The following PITPNC1 variants were observed in gnomAD, a reference collection of about 807,000 sequenced individuals.
PITPNC1 encodes phosphatidylinositol transfer protein cytoplasmic 1.
Under a neutral mutation model 44.7 loss-of-function variants are expected in PITPNC1, and 18 were observed. The ratio of observed to expected loss-of-function variants is 0.40; its 90% CI spans 0.28 to 0.60. The LOEUF is 0.60. PITPNC1 is among the 20% of genes least tolerant of loss of function. PITPNC1 has a pLI of 0.39. For missense variants in PITPNC1, 290 were observed against 418.4 expected (o/e 0.69, Z 2.68); for synonymous variants, 141 against 149.6 (o/e 0.94, Z 0.42).
intron 1 of PITPNC1, among the ~76,000 whole-genome samples, chr17:67,497,086 G>A (rs9900530): frequency 0.47 from 71,655 of 151,832 alleles, 16,985 homozygotes; most frequent in East Asian, 0.62. Flanking sequence ...TGACTGTTCC[G>A]GTGAATAGCC....
chr17:67,487,745 G>C (rs2039801026), intron 1 of PITPNC1, among the ~76,000 whole-genome samples: 1 of 152,168 alleles, frequency 6.6e-6, no homozygotes, highest in Admixed American at 6.5e-5. Context: ...TGTAAGCGCT[G>C]TTCTGGGGGC....
At chr17:67,412,160 C>CT (rs1167101260) in intron 1 of PITPNC1, among the ~76,000 whole-genome samples, 2 of 152,328 alleles carry the variant, frequency 1.3e-5, no homozygotes, top group Admixed American at 6.5e-5. Flanking sequence ...CACCCCTTGC[C>CT]TGGCCCTCGG....
chr17:67,527,536 C>T (rs1267005670), intron 1 of PITPNC1, among the ~76,000 whole-genome samples: 3 of 151,882 alleles, frequency 2.0e-5, no homozygotes, highest in African/African-American at 7.3e-5. Context: ...AACCCCGTCT[C>T]TACTAAAAAT....
At chr17:67,662,007 A>ATAG (rs2042356093) in intron 6 of PITPNC1, among the ~76,000 whole-genome samples, 1 of 151,882 alleles carries the variant, frequency 6.6e-6, no homozygotes, top group Admixed American at 6.6e-5. Context: ...AATAATAATA[A>ATAG]TAATAGTAAT....
At chr17:67,631,641 A>ATATAT (rs1163224562) in intron 5 of PITPNC1, among the ~76,000 whole-genome samples, 1 of 9,974 alleles carries the variant, frequency 1.0e-4, no homozygotes, top group African/African-American at 2.6e-4. Flanking sequence ...AAACCAAAAA[A>ATATAT]AAAAAAAAAA....
At chr17:67,487,462 A>G (rs1225652028) in intron 1 of PITPNC1, among the ~76,000 whole-genome samples, 1 of 152,178 alleles carries the variant, frequency 6.6e-6, no homozygotes, top group African/African-American at 2.4e-5. Context: ...GGCATGAGCC[A>G]CCACACCCAG....
At chr17:67,579,763 A>G (rs2041203764) in intron 5 of PITPNC1, among the ~76,000 whole-genome samples, 1 of 151,572 alleles carries the variant, frequency 6.6e-6, no homozygotes, top group Non-Finnish European at 1.5e-5. Flanking sequence ...ACATGGCAAA[A>G]CCCCATCTCT....
At chr17:67,603,421 A>C (rs112615030) in intron 5 of PITPNC1, among the ~76,000 whole-genome samples, 2 of 152,316 alleles carry the variant, frequency 1.3e-5, no homozygotes, top group African/African-American at 4.8e-5. Flanking sequence ...GCATCTTGCC[A>C]ACCTGTCTTT....
intron 1 of PITPNC1, among the ~76,000 whole-genome samples, chr17:67,498,951 A>G (rs1369258301): frequency 1.3e-5 from 2 of 150,740 alleles, no homozygotes; most frequent in Non-Finnish European, 2.9e-5. Flanking sequence ...GGCTTATTGC[A>G]ACCTCTGCCT....
intron 4 of PITPNC1, among the ~76,000 whole-genome samples, chr17:67,568,419 A>T (rs2144207624): frequency 6.6e-6 from 1 of 152,300 alleles, no homozygotes; most frequent in East Asian, 1.9e-4. Context: ...CTAAAATTAG[A>T]TTGTCCTAAT....
At chr17:67,525,745 C>G (rs969953784) in intron 1 of PITPNC1, among the ~76,000 whole-genome samples, 1 of 152,082 alleles carries the variant, frequency 6.6e-6, no homozygotes, top group Non-Finnish European at 1.5e-5. Context: ...GAGGTAACAG[C>G]GGAGAAAGCT....
At chr17:67,497,234 T>C (rs1233712566) in intron 1 of PITPNC1, among the ~76,000 whole-genome samples, 11 of 151,872 alleles carry the variant, frequency 7.2e-5, no homozygotes, top group African/African-American at 2.7e-4. Context: ...TTTTTTTTTT[T>C]TTTGAGACGG....
chr17:67,471,444 AC>A (rs1403157589), intron 1 of PITPNC1: 1 of 360,268 alleles, frequency 2.8e-6, no homozygotes, highest in East Asian at 1.6e-4. Context: ...CCTTGTGTGG[AC>A]CTACGTCTTC....
At chr17:67,412,396 C>T (rs566599946) in intron 1 of PITPNC1, among the ~76,000 whole-genome samples, 21 of 152,188 alleles carry the variant, frequency 1.4e-4, no homozygotes, top group African/African-American at 4.8e-4. Flanking sequence ...CCAAGTTCTC[C>T]AACTCGACTG....
intron 1 of PITPNC1, among the ~76,000 whole-genome samples, chr17:67,392,652 A>G (rs1397508278): frequency 6.6e-6 from 1 of 152,100 alleles, no homozygotes; most frequent in Middle Eastern, 3.2e-3. Flanking sequence ...GAAAAAAAGC[A>G]CCCCTAAACC....
At chr17:67,452,048 G>A (rs7407026) in intron 1 of PITPNC1, among the ~76,000 whole-genome samples, 4 of 151,374 alleles carry the variant, frequency 2.6e-5, no homozygotes, top group African/African-American at 9.7e-5. Context: ...GTCTCACTGT[G>A]ATCACCCAGG....
At chr17:67,457,368 T>A (rs985281337) in intron 1 of PITPNC1, 5 of 130,748 alleles carry the variant, frequency 3.8e-5, no homozygotes, top group Non-Finnish European at 7.5e-5. Context: ...TCTCTCTGGC[T>A]GTTTTTTGTT....
At chr17:67,475,516 C>T (rs181633687) in intron 1 of PITPNC1, among the ~76,000 whole-genome samples, 6 of 152,254 alleles carry the variant, frequency 3.9e-5, no homozygotes, top group Non-Finnish European at 7.3e-5. Flanking sequence ...TCAAACATAG[C>T]GAACACGACA....
intron 1 of PITPNC1, among the ~76,000 whole-genome samples, chr17:67,397,962 G>C (rs1407452620): frequency 6.6e-6 from 1 of 151,950 alleles, no homozygotes; most frequent in Non-Finnish European, 1.5e-5. Flanking sequence ...GCGTGGTGGC[G>C]GGCACCTGTA....
Sources: gnomAD v4.1 joint callset for allele counts (sites outside exome capture counted in the v4.1 genomes callset) on GRCh38, gnomAD v4.1.1 for gene constraint, MANE v1.5 for transcripts, NCBI Gene and HGNC (gene_info 2026-07-23, HGNC 2026-07-21) for gene names.